Variants in MAGI2 observed in about 807,000 individuals in gnomAD.
MAGI2 encodes membrane associated guanylate kinase, WW and PDZ domain containing 2.
A neutral mutation model predicts 133.3 loss-of-function variants in MAGI2; 35 were observed. The observed-to-expected ratio is 0.26, with a 90% confidence interval of 0.20 to 0.35. The LOEUF (loss-of-function observed/expected upper bound fraction) is 0.35, where lower values mean the gene tolerates loss of function less well. MAGI2 is among the 10% of genes least tolerant of loss of function. MAGI2 has a pLI of 1.00. For synonymous variants in MAGI2, 729 were observed against 710.6 expected, an observed-to-expected ratio of 1.03 and a Z score of -0.41; for missense variants, 1,636 against 1,863.4, an observed-to-expected ratio of 0.88 and a Z score of 2.25.
At chr7:79,304,557 C>T (rs939183974) in intron 1 of MAGI2, among the ~76,000 whole-genome samples, 1 of 152,094 alleles carries the variant, frequency 6.6e-6, no homozygotes, top group South Asian at 2.1e-4. Context: ...GTGTGATAAA[C>T]CCTGGAGAGT....
intron 6 of MAGI2, among the ~76,000 whole-genome samples, chr7:78,481,978 A>C (rs1406153434): frequency 6.6e-6 from 1 of 151,910 alleles, no homozygotes; most frequent in Non-Finnish European, 1.5e-5. Flanking sequence ...TACAAACTGC[A>C]GACTTGGAGA....
Position 78,725,917 on chromosome 7 carries a change from A to G in MAGI2, c.419-98678T>C, listed in dbSNP as rs149589839. Among the ~76,000 whole-genome samples, 1,425 of 152,304 alleles carry G rather than the reference A, an allele frequency of 9.4e-3. 22 individuals are homozygous for G. Among genetic ancestry groups the G allele is most frequent in the African/African-American group, 0.032 (1,342 of 41,560 alleles). ...TTGTAAAATGTACTGGATAGTCGTT[A>G]TACTCCAAACCCCCTTTACCTAGTA... is the stretch of plus-strand genomic sequence containing the variant. On this transcript the variant is annotated intron_variant, in intron 2 of 21. Transcript: ENST00000354212.
At chr7:78,801,032 T>C (rs1448102884) in intron 2 of MAGI2, among the ~76,000 whole-genome samples, 1 of 152,204 alleles carries the variant, frequency 6.6e-6, no homozygotes, top group East Asian at 1.9e-4. Context: ...TTTAATGTTT[T>C]ATTGTTTAAT....
intron 21 of MAGI2, among the ~76,000 whole-genome samples, chr7:78,037,698 A>G (rs2960457): frequency 0.4 from 60,112 of 152,040 alleles, 12,181 homozygotes; most frequent in Non-Finnish European, 0.41. Flanking sequence ...TTGAATTTTT[A>G]TAGGTGTGTG....
intron 9 of MAGI2, among the ~76,000 whole-genome samples, chr7:78,291,813 C>G (rs1256830914): frequency 6.6e-6 from 1 of 152,132 alleles, no homozygotes; most frequent in African/African-American, 2.4e-5. Flanking sequence ...AGCATATAAA[C>G]AGAACCAGTG....
chr7:78,362,919 G>A (rs1036154032), intron 7 of MAGI2, among the ~76,000 whole-genome samples: 1 of 152,100 alleles, frequency 6.6e-6, no homozygotes, highest in South Asian at 2.1e-4. Flanking sequence ...TATTCCCTTA[G>A]AAAACTCAGT....
chr7:79,211,158 T>C (rs2091943131), intron 1 of MAGI2, among the ~76,000 whole-genome samples: 1 of 152,064 alleles, frequency 6.6e-6, no homozygotes, highest in South Asian at 2.1e-4. Flanking sequence ...ATATAGAAAA[T>C]AAGTAGGTTA....
At chr7:79,424,480 C>T (rs901076660) in intron 1 of MAGI2, among the ~76,000 whole-genome samples, 3 of 151,846 alleles carry the variant, frequency 2.0e-5, no homozygotes, top group African/African-American at 7.3e-5. Context: ...TTCAAGAGAT[C>T]TATTTTACAG....
intron 2 of MAGI2, among the ~76,000 whole-genome samples, chr7:78,804,762 A>AAACAAAAAAC (rs1563526113): frequency 3.5e-5 from 5 of 142,180 alleles, no homozygotes; most frequent in East Asian, 2.2e-4. Context: ...AAAAAAAAAA[A>AAACAAAAAAC]AAAAAAAAAA....
At chr7:79,435,697 A>G (rs1221618960) in intron 1 of MAGI2, among the ~76,000 whole-genome samples, 1 of 152,214 alleles carries the variant, frequency 6.6e-6, no homozygotes, top group Non-Finnish European at 1.5e-5. Context: ...AGAGCAATCT[A>G]CAGATTCAAT....
chr7:79,187,936 T>A (rs191136500), intron 1 of MAGI2, among the ~76,000 whole-genome samples: 2 of 151,950 alleles, frequency 1.3e-5, no homozygotes, highest in Admixed American at 6.6e-5. Flanking sequence ...CTCATGAATA[T>A]ACACATGCAG....
intron 3 of MAGI2, among the ~76,000 whole-genome samples, chr7:78,609,447 GAT>G (rs1456322292): frequency 1.3e-5 from 2 of 152,120 alleles, no homozygotes; most frequent in Non-Finnish European, 2.9e-5. Flanking sequence ...ACATAAAGTT[GAT>G]AAAAAGTCAA....
intron 6 of MAGI2, among the ~76,000 whole-genome samples, chr7:78,394,809 C>T (rs1417105554): frequency 6.6e-6 from 1 of 152,150 alleles, no homozygotes; most frequent in Non-Finnish European, 1.5e-5. Context: ...AACATCCAGG[C>T]TTTACTCTAA....
chr7:79,128,452 C>CT (rs1199621118), intron 1 of MAGI2, among the ~76,000 whole-genome samples: 1 of 152,106 alleles, frequency 6.6e-6, no homozygotes. Context: ...AATAAAAACT[C>CT]TAAGTTGTAA....
intron 6 of MAGI2, among the ~76,000 whole-genome samples, chr7:78,369,814 A>G (rs1562899618): frequency 6.6e-6 from 1 of 152,006 alleles, no homozygotes; most frequent in South Asian, 2.1e-4. Flanking sequence ...CATATTTTCA[A>G]TTCTCCATAG....
intron 2 of MAGI2, among the ~76,000 whole-genome samples, chr7:78,768,098 T>G (rs1355642017): frequency 6.6e-6 from 1 of 152,200 alleles, no homozygotes; most frequent in African/African-American, 2.4e-5. Context: ...GTACACATTA[T>G]CTGGTTTAAA....
intron 8 of MAGI2, among the ~76,000 whole-genome samples, chr7:78,344,771 A>T (rs1790732197): frequency 6.6e-6 from 1 of 152,242 alleles, no homozygotes; most frequent in African/African-American, 2.4e-5. Context: ...GAATAATCTG[A>T]ATAGGCACTG....
intron 2 of MAGI2, among the ~76,000 whole-genome samples, chr7:78,952,294 G>A (rs888994676): frequency 2.0e-5 from 3 of 152,066 alleles, no homozygotes; most frequent in African/African-American, 7.2e-5. Context: ...TCTGATATGG[G>A]TGGTCATCAT....
intron 2 of MAGI2, among the ~76,000 whole-genome samples, chr7:78,713,711 GCTTTCCTTCAA>G (rs755771061): frequency 8.6e-5 from 13 of 151,986 alleles, no homozygotes; most frequent in Admixed American, 1.3e-4. Flanking sequence ...ACTCTTACTT[GCTTTCCTTCAA>G]TAGTATCACA....
Sources: allele counts gnomAD v4.1 joint callset (sites outside exome capture counted in the v4.1 genomes callset), GRCh38; gene constraint gnomAD v4.1.1; transcripts MANE v1.5; gene names NCBI Gene and HGNC (gene_info 2026-07-23, HGNC 2026-07-21).